The following UST variants were observed in gnomAD, a reference collection of about 807,000 sequenced individuals.
UST encodes the protein uronyl 2-sulfotransferase.
In UST, 21 loss-of-function variants were observed where a neutral mutation model predicts 45.6. The ratio of observed to expected loss-of-function variants is 0.46; its 90% confidence interval spans 0.33 to 0.66. The LOEUF (loss-of-function observed/expected upper bound fraction) is 0.66, where lower values mean the gene tolerates loss of function less well. Among genes scored for constraint, UST ranks in the 30% least tolerant of loss-of-function variants. The pLI is 0.02. For missense variants in UST, 463 were observed against 512.4 expected (o/e 0.90, Z 0.93); for synonymous variants, 215 against 200.6 (o/e 1.07, Z -0.61).
chr6:149,039,115 C>G (rs1343245669), intron 7 of UST, among the ~76,000 whole-genome samples: 1 of 152,128 alleles, frequency 6.6e-6, no homozygotes, highest in African/African-American at 2.4e-5. Flanking sequence ...TGTAGACTTT[C>G]CTGTGTTCTC....
At chr6:148,753,793 A>G (rs1582788660) in intron 1 of UST, among the ~76,000 whole-genome samples, 1 of 152,230 alleles carries the variant, frequency 6.6e-6, no homozygotes, top group Non-Finnish European at 1.5e-5. Flanking sequence ...ATCCCCCGCC[A>G]AGAAAGTATG....
intron 2 of UST, among the ~76,000 whole-genome samples, chr6:148,918,522 A>G (rs116353020): frequency 0.013 from 1,996 of 152,306 alleles, 37 homozygotes; most frequent in African/African-American, 0.046. Flanking sequence ...TGTAAATTTT[A>G]TAGGGCCATC....
rs11372887 is a variant in UST, at chr6:148,826,432, G to GTT, written c.248-60544_248-60543dup. Among the ~76,000 whole-genome samples the GTT allele has an allele frequency of 5.1e-3, 754 of 148,930 alleles. 4 individuals are homozygous for GTT. Among genetic ancestry groups the GTT allele is most frequent in the African/African-American group, 0.017 (680 of 40,796 alleles). ...CCAGGCTCCTGTTTTTATTCATCAT[G>GTT]TTTTTTTTTTTAAATGAATTAACTA... On this transcript the variant is annotated intron_variant, in intron 1 of 7. Transcript: ENST00000367463.
At chr6:148,779,151 C>T (rs1393012671) in intron 1 of UST, among the ~76,000 whole-genome samples, 5 of 151,522 alleles carry the variant, frequency 3.3e-5, no homozygotes, top group Admixed American at 3.3e-4. Context: ...CTACCTCAAG[C>T]CTCCTGGAAA....
intron 5 of UST, 137 bp from the exon 6 acceptor site, chr6:149,019,002 A>G: frequency 1.3e-6 from 1 of 744,898 alleles, no homozygotes; most frequent in Non-Finnish European, 2.3e-6. Context: ...AAGTTTTCTC[A>G]TGAAATCTGT....
chr6:148,988,748 C>T (rs1222242572), intron 5 of UST, among the ~76,000 whole-genome samples: 5 of 152,150 alleles, frequency 3.3e-5, no homozygotes, highest in Admixed American at 6.5e-5. Flanking sequence ...ACCCTCCCCA[C>T]CTCTTCCCAA....
chr6:148,846,781 G>C (rs1170481390), intron 1 of UST, among the ~76,000 whole-genome samples: 1 of 152,220 alleles, frequency 6.6e-6, no homozygotes, highest in Non-Finnish European at 1.5e-5. Flanking sequence ...AGAAACAGTT[G>C]TCAAAGTCCC....
At chr6:148,980,727 T>G (rs553249483) in intron 5 of UST, among the ~76,000 whole-genome samples, 1 of 152,312 alleles carries the variant, frequency 6.6e-6, no homozygotes, top group East Asian at 1.9e-4. Flanking sequence ...TGTCTTTTTC[T>G]TCTTTTTTTG....
chr6:148,866,527 A>C (rs897407235), intron 1 of UST, among the ~76,000 whole-genome samples: 1 of 152,150 alleles, frequency 6.6e-6, no homozygotes, highest in East Asian at 1.9e-4. Flanking sequence ...AGCACTACCT[A>C]GTGAGTTGCC....
intron 2 of UST, among the ~76,000 whole-genome samples, chr6:148,893,981 C>T (rs1030482860): frequency 6.6e-6 from 1 of 151,982 alleles, no homozygotes; most frequent in Admixed American, 6.5e-5. Context: ...ATTGCACCAC[C>T]ACTCTCCAGC....
chr6:148,914,178 G>A (rs566216810), intron 2 of UST, among the ~76,000 whole-genome samples: 3 of 152,204 alleles, frequency 2.0e-5, no homozygotes, highest in Non-Finnish European at 4.4e-5. Context: ...CCATTGTACT[G>A]CATTAGGAGA....
intron 4 of UST, among the ~76,000 whole-genome samples, chr6:148,954,308 C>T (rs1029018551): frequency 6.6e-6 from 1 of 152,096 alleles, no homozygotes; most frequent in African/African-American, 2.4e-5. Context: ...TGAACCTGCA[C>T]AGAACTCTAG....
At chr6:148,943,596 C>T (rs1780174121) in intron 3 of UST, among the ~76,000 whole-genome samples, 1 of 152,180 alleles carries the variant, frequency 6.6e-6, no homozygotes, top group African/African-American at 2.4e-5. Flanking sequence ...TATAGGCTAG[C>T]TCTCATCTGT....
At chr6:148,979,961 C>G (rs1401905239) in intron 5 of UST, among the ~76,000 whole-genome samples, 1 of 152,156 alleles carries the variant, frequency 6.6e-6, no homozygotes, top group Non-Finnish European at 1.5e-5. Context: ...GGTGTTAAAG[C>G]TCGAGTAACT....
intron 2 of UST, among the ~76,000 whole-genome samples, chr6:148,922,614 C>T (rs1277796667): frequency 2.8e-5 from 4 of 144,212 alleles, no homozygotes; most frequent in Non-Finnish European, 4.5e-5. Context: ...TCAGCCTCCT[C>T]AGTACCTAGG....
At chr6:149,072,253 A>G (rs1022471382) in intron 7 of UST, among the ~76,000 whole-genome samples, 1 of 152,260 alleles carries the variant, frequency 6.6e-6, no homozygotes, top group Non-Finnish European at 1.5e-5. Context: ...GCAAATGTTC[A>G]TTATAATAAG....
intron 5 of UST, among the ~76,000 whole-genome samples, chr6:149,002,032 A>T (rs1298102344): frequency 6.6e-6 from 1 of 152,190 alleles, no homozygotes; most frequent in Admixed American, 6.5e-5. Context: ...TTACAAATGA[A>T]TTTTTAAAAT....
Position 148,796,041 on chromosome 6 carries a change from T to C in UST, c.247+48364T>C, listed in dbSNP as rs137994257. On this transcript the variant is annotated intron_variant, in intron 1 of 7. Coordinates refer to ENST00000367463, the MANE Select transcript of UST (RefSeq NM_005715.3). ...GAACAAACAAGATAGGACAGCGTGG[T>C]GGATAATTGAACCAAAATTCCCATT... Among the ~76,000 whole-genome samples, 796 of 152,250 alleles carry C rather than the reference T, an allele frequency of 5.2e-3. 6 individuals are homozygous for C. The highest frequency in any genetic ancestry group is 8.6e-3 in the Non-Finnish European group (588 of 68,012).
intron 7 of UST, among the ~76,000 whole-genome samples, chr6:149,043,340 G>A (rs1171833276): frequency 6.6e-6 from 1 of 152,034 alleles, no homozygotes; most frequent in Non-Finnish European, 1.5e-5. Context: ...CAAACTCTTG[G>A]GTTCAAGCAT....
Sources: allele counts gnomAD v4.1 joint callset (sites outside exome capture counted in the v4.1 genomes callset), GRCh38; gene constraint gnomAD v4.1.1; transcripts MANE v1.5; gene names NCBI Gene and HGNC (gene_info 2026-07-23, HGNC 2026-07-21).